ZRANB3: variants seen among roughly 807,000 people sequenced by gnomAD.
ZRANB3 encodes the protein zinc finger RANBP2-type containing 3, also known as DNA annealing helicase and endonuclease ZRANB3.
A neutral mutation model predicts 133.8 loss-of-function variants in ZRANB3; 125 were observed. The observed-to-expected ratio is 0.93, with a 90% CI of 0.81 to 1.08. The LOEUF is 1.08. ZRANB3 is among the 50% of genes least tolerant of loss of function. The probability of loss-of-function intolerance (pLI) is 0.00; values close to 1 mark genes in which losing one functional copy is unlikely to be tolerated. For synonymous variants in ZRANB3, 387 were observed against 432.7 expected (o/e 0.89, Z 1.31); for missense variants, 1,229 against 1,275.5 (o/e 0.96, Z 0.56).
At chr2:135,256,071 T>C (rs1247042630) in intron 12 of ZRANB3, among the ~76,000 whole-genome samples, 1 of 151,846 alleles carries the variant, frequency 6.6e-6, no homozygotes, top group Non-Finnish European at 1.5e-5. Flanking sequence ...TGTGCCACCA[T>C]GCCCACCTGA....
chr2:135,419,461 G>A (rs1425980681), intron 2 of ZRANB3, among the ~76,000 whole-genome samples: 1 of 151,972 alleles, frequency 6.6e-6, no homozygotes, highest in Non-Finnish European at 1.5e-5. Context: ...GACTCTGAGA[G>A]AAAATCATGT....
At chr2:135,317,204 T>C (rs1430811749) in intron 6 of ZRANB3, among the ~76,000 whole-genome samples, 1 of 152,090 alleles carries the variant, frequency 6.6e-6, no homozygotes, top group African/African-American at 2.4e-5. Flanking sequence ...CATTAAAATT[T>C]TTTGACTTCC....
intron 2 of ZRANB3, among the ~76,000 whole-genome samples, chr2:135,479,063 T>C (rs146079936): frequency 0.01 from 1,590 of 151,956 alleles, 26 homozygotes; most frequent in Middle Eastern, 0.055. Flanking sequence ...CTTCTAACAA[T>C]AGTATAAGAC....
At position 135,246,000 on chromosome 2, in the gene ZRANB3, T is replaced by C. The variant is rs1369389691; in HGVS notation, c.1540-15073A>G. ...TCTGAAGGTGGACTTGTGGTTTGAATAGCTCCATTTCTTTTCTTTTCTTTT... is the reference window on the plus strand; with the variant it reads ...TCTGAAGGTGGACTTGTGGTTTGAACAGCTCCATTTCTTTTCTTTTCTTTT... On this transcript the variant is annotated intron_variant, in intron 12 of 20. Coordinates refer to ENST00000264159, the MANE Select transcript of ZRANB3 (RefSeq NM_032143.4). Among the ~76,000 whole-genome samples, 43 of 145,888 alleles carry C rather than the reference T, an allele frequency of 2.9e-4. 1 individual carries two copies. Among genetic ancestry groups the C allele is most frequent in the Non-Finnish European group, 1.8e-4 (12 of 66,998 alleles).
intron 8 of ZRANB3, among the ~76,000 whole-genome samples, chr2:135,292,952 A>G (rs1403925195): frequency 6.6e-6 from 1 of 151,872 alleles, no homozygotes; most frequent in Non-Finnish European, 1.5e-5. Context: ...CCATTGGTCT[A>G]TATCTCTGTT....
chr2:135,227,669 G>T, intron 14 of ZRANB3, 143 bp downstream of exon 14: 1 of 783,712 alleles, frequency 1.3e-6, no homozygotes. Flanking sequence ...GTTTAAGTAT[G>T]TGGTTACAAA....
At chr2:135,225,083 C>T (rs758043476) in intron 14 of ZRANB3, among the ~76,000 whole-genome samples, 7 of 152,260 alleles carry the variant, frequency 4.6e-5, no homozygotes, top group East Asian at 3.9e-4. Context: ...GGATTATCAA[C>T]GCAGGTCTAA....
intron 2 of ZRANB3, among the ~76,000 whole-genome samples, chr2:135,414,577 T>C (rs1274555035): frequency 6.6e-6 from 1 of 152,146 alleles, no homozygotes; most frequent in African/African-American, 2.4e-5. Flanking sequence ...TACCCAGGGA[T>C]TGAACTCAGC....
In ZRANB3 at chr2:135,342,056, G is replaced by A. The variant is rs1342198734; in HGVS notation, c.677+3494C>T. The stretch of plus-strand genomic sequence containing the variant: ...GATCTCTGTGACCCACAGCCTATTC[G>A]TACACTCCCTACCTTTTGAAAATCG... On this transcript the variant is annotated intron_variant, in intron 6 of 20. Transcript: ENST00000264159. Among the ~76,000 whole-genome samples, 6 of 149,726 alleles carry A rather than the reference G, an allele frequency of 4.0e-5. 1 individual carries two copies. The highest frequency in any genetic ancestry group is 3.9e-4 in the East Asian group (2 of 5,194).
chr2:135,459,899 G>T (rs191069647), intron 2 of ZRANB3, among the ~76,000 whole-genome samples: 1 of 152,158 alleles, frequency 6.6e-6, no homozygotes, highest in East Asian at 1.9e-4. Context: ...ATCTTTCATT[G>T]ATTCATCCTA....
chr2:135,355,360 C>CTTTT, intron 3 of ZRANB3: 3 of 372,830 alleles, frequency 8.0e-6, no homozygotes, highest in Non-Finnish European at 1.1e-5. Context: ...AATCACAGAT[C>CTTTT]TTTTTTTTTT....
At chr2:135,336,213 T>C (rs138907411) in intron 6 of ZRANB3, among the ~76,000 whole-genome samples, 1 of 152,348 alleles carries the variant, frequency 6.6e-6, no homozygotes, top group East Asian at 1.9e-4. Flanking sequence ...CCCTAACTTC[T>C]CATCCCTGAA....
At chr2:135,406,048 A>T (rs1295680210) in intron 2 of ZRANB3, among the ~76,000 whole-genome samples, 3 of 152,158 alleles carry the variant, frequency 2.0e-5, no homozygotes, top group Non-Finnish European at 4.4e-5. Flanking sequence ...TTTTTTGAGA[A>T]GAACAACAAA....
intron 2 of ZRANB3, among the ~76,000 whole-genome samples, chr2:135,479,819 T>A (rs76029998): frequency 6.6e-6 from 1 of 152,228 alleles, no homozygotes; most frequent in South Asian, 2.1e-4. Flanking sequence ...TTAATACTAT[T>A]CAGAATGCCA....
intron 2 of ZRANB3, among the ~76,000 whole-genome samples, chr2:135,431,936 C>T (rs1689342735): frequency 2.0e-5 from 3 of 151,910 alleles, no homozygotes; most frequent in African/African-American, 7.3e-5. Context: ...TACCGTGAGC[C>T]GAGGTAAAGG....
intron 2 of ZRANB3, among the ~76,000 whole-genome samples, chr2:135,480,306 C>A (rs1691718595): frequency 6.6e-6 from 1 of 151,998 alleles, no homozygotes; most frequent in Non-Finnish European, 1.5e-5. Flanking sequence ...AATTCATGCC[C>A]TTGAAATAAT....
At chr2:135,293,547 A>T (rs1324324340) in intron 8 of ZRANB3, among the ~76,000 whole-genome samples, 2 of 152,120 alleles carry the variant, frequency 1.3e-5, no homozygotes, top group Non-Finnish European at 2.9e-5. Context: ...GCAAACAGGG[A>T]CAATTTGACT....
chr2:135,265,436 C>T, intron 12 of ZRANB3, 98 bp downstream of exon 12: 2 of 1,302,224 alleles, frequency 1.5e-6, no homozygotes, highest in Non-Finnish European at 2.0e-6. Flanking sequence ...CCTTTCAACA[C>T]CATAAATAAT....
intron 2 of ZRANB3, among the ~76,000 whole-genome samples, chr2:135,391,491 TAAGAA>T (rs1483241471): frequency 6.6e-6 from 1 of 152,136 alleles, no homozygotes; most frequent in Non-Finnish European, 1.5e-5. Context: ...CATTAAAATA[TAAGAA>T]AATAAGTGTG....
Sources: gnomAD v4.1 joint callset for allele counts (sites outside exome capture counted in the v4.1 genomes callset) on GRCh38, gnomAD v4.1.1 for gene constraint, MANE v1.5 for transcripts, NCBI Gene and HGNC (gene_info 2026-07-23, HGNC 2026-07-21) for gene names.